Variants in TNRC6B observed in about 807,000 individuals in gnomAD.
TNRC6B encodes trinucleotide repeat containing adaptor 6B.
In TNRC6B, 52 loss-of-function variants were observed where a neutral mutation model predicts 203.6. The observed-to-expected ratio is 0.26, with a 90% confidence interval of 0.20 to 0.32. The LOEUF (loss-of-function observed/expected upper bound fraction) is 0.32, where lower values mean the gene tolerates loss of function less well. Ranked by LOEUF, TNRC6B falls within the 10% of genes least tolerant of loss-of-function variation. The probability of loss-of-function intolerance (pLI) is 1.00; values close to 1 mark genes in which losing one functional copy is unlikely to be tolerated. For synonymous variants in TNRC6B, 838 were observed against 845.7 expected, an observed-to-expected ratio of 0.99 and a Z score of 0.16; for missense variants, 1,923 against 2,286.2, an observed-to-expected ratio of 0.84 and a Z score of 3.24.
intron 11 of TNRC6B, among the ~76,000 whole-genome samples, 188 bp from the exon 12 acceptor site, chr22:40,285,457 G>A (rs756132591): frequency 3.3e-5 from 5 of 152,092 alleles, no homozygotes; most frequent in Non-Finnish European, 7.4e-5. Flanking sequence ...AACTGTACAG[G>A]TGCCCATGAG....
chr22:40,262,019 CAA>C lies in TNRC6B; in HGVS notation c.305_306del (p.Lys102SerfsTer45). On this transcript the variant is annotated frameshift_variant, in exon 4 of 23. Transcript: ENST00000454349. LOFTEE classifies it high-confidence loss of function. ...PPRFRCQQDH[K>X]VLLKRGQPPP... The stretch of plus-strand genomic sequence containing the variant: ...CGCGATTCCGTTGCCAGCAGGACCA[CAA>C]AGTGTTACTAAAACGTGGGCAGCCC... The C allele has an allele frequency of 6.2e-7, 1 of 1,606,504 alleles. No homozygotes were observed. Among genetic ancestry groups the C allele is most frequent in the Non-Finnish European group, 8.5e-7 (1 of 1,175,734 alleles).
intron 16 of TNRC6B, 138 bp downstream of exon 16, chr22:40,308,787 A>C: frequency 9.6e-7 from 1 of 1,038,000 alleles, no homozygotes; most frequent in Non-Finnish European, 1.4e-6. Context: ...GGAAGGTCAG[A>C]GTCATGTGTA....
intron 1 of TNRC6B, among the ~76,000 whole-genome samples, chr22:40,212,472 C>A (rs1222290374): frequency 1.3e-5 from 2 of 152,090 alleles, no homozygotes; most frequent in African/African-American, 4.8e-5. Flanking sequence ...AAATGCATAC[C>A]TTTGGGAACA....
rs1165043374 is a variant in TNRC6B at position 40,130,651 on chromosome 22, G to A, written c.45+4789G>A. Among the ~76,000 whole-genome samples, 5 of 150,382 alleles carry A rather than the reference G, an allele frequency of 3.3e-5. 1 individual carries two copies. Among genetic ancestry groups the A allele is most frequent in the Non-Finnish European group, 7.4e-5 (5 of 67,794 alleles). On this transcript the variant is annotated intron_variant, in intron 3 of 23. Transcript: ENST00000301923. The stretch of plus-strand genomic sequence containing the variant: ...AAAAAAAAAAAATTAGCCGGGCGAG[G>A]TGGCGGATGCCTGTAGTCCCCCGCG...
chr22:40,282,163 A>G (rs2070727683), intron 11 of TNRC6B, among the ~76,000 whole-genome samples: 1 of 152,246 alleles, frequency 6.6e-6, no homozygotes. Flanking sequence ...TATTAGTTGC[A>G]TCCACATGAT....
intron 1 of TNRC6B, among the ~76,000 whole-genome samples, chr22:40,112,975 C>T (rs1324285443): frequency 6.6e-6 from 1 of 152,098 alleles, no homozygotes; most frequent in Non-Finnish European, 1.5e-5. Flanking sequence ...GGCATGGTGG[C>T]ACACACCTGT....
chr22:40,071,769 G>C (rs1033216136), intron 1 of TNRC6B, among the ~76,000 whole-genome samples: 1 of 152,170 alleles, frequency 6.6e-6, no homozygotes, highest in African/African-American at 2.4e-5. Context: ...TTAAATTATG[G>C]AGATGGCCTT....
chr22:40,183,709 T>A (rs2069165694), intron 1 of TNRC6B, among the ~76,000 whole-genome samples: 1 of 151,956 alleles, frequency 6.6e-6, no homozygotes. Context: ...TTTTTTTTTT[T>A]AATATGAGAT....
chr22:40,056,941 G>C (rs2067801943), intron 1 of TNRC6B, among the ~76,000 whole-genome samples: 1 of 152,180 alleles, frequency 6.6e-6, no homozygotes, highest in Non-Finnish European at 1.5e-5. Context: ...TCCTCCCATG[G>C]GCACAGGTAG....
intron 1 of TNRC6B, 121 bp from the exon 2 acceptor site, chr22:40,245,894 G>A: frequency 1.7e-6 from 1 of 602,590 alleles, no homozygotes; most frequent in South Asian, 2.5e-5. Context: ...GAAATACTGT[G>A]TTCTATTCAG....
chr22:40,151,552 A>AAAAG (rs1555885693), intron 3 of TNRC6B, among the ~76,000 whole-genome samples: 3 of 138,822 alleles, frequency 2.2e-5, no homozygotes, highest in African/African-American at 8.1e-5. Context: ...AAAAAAAAAA[A>AAAAG]GAAAAAAGAA....
At chr22:40,094,932 C>T (rs547250303) in intron 1 of TNRC6B, among the ~76,000 whole-genome samples, 1 of 151,978 alleles carries the variant, frequency 6.6e-6, no homozygotes, top group African/African-American at 2.4e-5. Context: ...TTTAGTTGGT[C>T]TTATTGCTGA....
intron 4 of TNRC6B, among the ~76,000 whole-genome samples, chr22:40,168,869 C>A (rs1029060867): frequency 2.6e-5 from 4 of 152,176 alleles, no homozygotes; most frequent in South Asian, 2.1e-4. Flanking sequence ...CCTGTGAAAT[C>A]TTTTCTTATT....
chr22:40,299,164 A>AC (rs1569060033), intron 12 of TNRC6B, among the ~76,000 whole-genome samples: 2 of 151,108 alleles, frequency 1.3e-5, no homozygotes, highest in African/African-American at 4.9e-5. Context: ...AAAACAAAAA[A>AC]AAAAAAAAAA....
chr22:40,078,418 G>A (rs2068037546), intron 1 of TNRC6B, among the ~76,000 whole-genome samples: 1 of 152,042 alleles, frequency 6.6e-6, no homozygotes, highest in Non-Finnish European at 1.5e-5. Context: ...CAGCTACTTG[G>A]GAGGCTGAGG....
chr22:40,277,445 G>C (rs981288037), intron 8 of TNRC6B, among the ~76,000 whole-genome samples: 8 of 152,144 alleles, frequency 5.3e-5, no homozygotes, highest in Admixed American at 2.0e-4. Context: ...CCGCATTACT[G>C]TACTAGTTTT....
chr22:40,202,079 A>G (rs1056656911), intron 1 of TNRC6B, among the ~76,000 whole-genome samples: 10 of 152,132 alleles, frequency 6.6e-5, no homozygotes, highest in Admixed American at 2.0e-4. Flanking sequence ...AGCCAAGAAA[A>G]TACTGTCTTG....
intron 1 of TNRC6B, among the ~76,000 whole-genome samples, chr22:40,098,384 CA>C (rs1056495905): frequency 0.047 from 2,398 of 51,230 alleles, 11 homozygotes; most frequent in African/African-American, 0.13. Context: ...GACTCCGTCT[CA>C]AAAAAAAAAA....
intron 9 of TNRC6B, 53 bp downstream of exon 9, chr22:40,278,097 T>A: frequency 1.4e-6 from 2 of 1,429,632 alleles, no homozygotes; most frequent in Non-Finnish European, 1.9e-6. Flanking sequence ...ACAGTGTCCT[T>A]TTGGCATCTC....
Sources: allele counts gnomAD v4.1 joint callset (sites outside exome capture counted in the v4.1 genomes callset), GRCh38; gene constraint gnomAD v4.1.1; transcripts MANE v1.5; gene names NCBI Gene and HGNC (gene_info 2026-07-23, HGNC 2026-07-21).